PTPRD: variants seen among roughly 807,000 people sequenced by gnomAD.
The protein encoded by PTPRD is receptor-type tyrosine-protein phosphatase delta.
In PTPRD, 34 loss-of-function variants were observed where a neutral mutation model predicts 214.5. That is an observed-to-expected ratio of 0.16 (90% CI 0.12 to 0.21). The LOEUF is 0.21. Ranked by LOEUF, PTPRD falls within the 10% of genes least tolerant of loss-of-function variation. PTPRD has a pLI of 1.00. For missense variants in PTPRD, 2,545 were observed against 2,398.7 expected (o/e 1.06, Z -1.27); for synonymous variants, 1,128 against 845.7 (o/e 1.33, Z -5.79).
chr9:9,392,180 G>A (rs922707726), intron 9 of PTPRD, among the ~76,000 whole-genome samples: 1 of 152,160 alleles, frequency 6.6e-6, no homozygotes, highest in Non-Finnish European at 1.5e-5. Context: ...CTCAGCGAGA[G>A]CAGTGTGCTA....
At chr9:9,781,420 G>A (rs952779848) in intron 5 of PTPRD, among the ~76,000 whole-genome samples, 2 of 152,136 alleles carry the variant, frequency 1.3e-5, no homozygotes, top group African/African-American at 4.8e-5. Flanking sequence ...TAAATGCTAT[G>A]TAATGGGAAA....
chr9:8,975,517 G>A (rs1036057848), intron 11 of PTPRD, among the ~76,000 whole-genome samples: 2 of 151,916 alleles, frequency 1.3e-5, no homozygotes, highest in African/African-American at 4.8e-5. Flanking sequence ...TATTCAAAAT[G>A]TTTAGATATG....
At chr9:8,717,085 G>T (rs2098444897) in intron 12 of PTPRD, among the ~76,000 whole-genome samples, 1 of 152,100 alleles carries the variant, frequency 6.6e-6, no homozygotes, top group East Asian at 1.9e-4. Flanking sequence ...CTTGAGCCCA[G>T]AAGGCAGGGG....
At chr9:8,868,773 G>T (rs1456667425) in intron 11 of PTPRD, among the ~76,000 whole-genome samples, 1 of 152,086 alleles carries the variant, frequency 6.6e-6, no homozygotes, top group African/African-American at 2.4e-5. Context: ...TGCCTGTGGT[G>T]CTTTCAGCAT....
At chr9:9,462,250 G>C (rs2093725629) in intron 8 of PTPRD, among the ~76,000 whole-genome samples, 1 of 152,030 alleles carries the variant, frequency 6.6e-6, no homozygotes, top group South Asian at 2.1e-4. Context: ...GAGAGAAAAG[G>C]GAGTTTAGAA....
At chr9:9,952,138 C>T (rs1345153615) in intron 4 of PTPRD, among the ~76,000 whole-genome samples, 1 of 152,072 alleles carries the variant, frequency 6.6e-6, no homozygotes, top group Non-Finnish European at 1.5e-5. Context: ...AAGTTATGTG[C>T]CTAGGAGAGT....
intron 5 of PTPRD, among the ~76,000 whole-genome samples, chr9:9,823,690 G>A (rs1047244550): frequency 6.6e-6 from 1 of 152,050 alleles, no homozygotes; most frequent in African/African-American, 2.4e-5. Flanking sequence ...TGATGTCATG[G>A]AGGTAGAGAG....
intron 8 of PTPRD, among the ~76,000 whole-genome samples, chr9:9,469,852 A>G (rs1272797774): frequency 6.6e-6 from 1 of 152,190 alleles, no homozygotes; most frequent in African/African-American, 2.4e-5. Context: ...GTCATGGCAT[A>G]TGTCCAATGA....
At chr9:10,478,260 T>G (rs925792597) in intron 2 of PTPRD, among the ~76,000 whole-genome samples, 24 of 152,234 alleles carry the variant, frequency 1.6e-4, no homozygotes, top group African/African-American at 5.8e-4. Context: ...CACTTACAAG[T>G]AAGATGGCAA....
At chr9:9,637,554 G>C (rs1030421803) in intron 7 of PTPRD, among the ~76,000 whole-genome samples, 1 of 152,130 alleles carries the variant, frequency 6.6e-6, no homozygotes, top group Non-Finnish European at 1.5e-5. Context: ...GGTACACTGG[G>C]GTGGATGTGG....
chr9:9,880,303 C>G (rs909887607), intron 5 of PTPRD, among the ~76,000 whole-genome samples: 5 of 152,106 alleles, frequency 3.3e-5, no homozygotes, highest in Admixed American at 6.6e-5. Context: ...ATAAATCACC[C>G]AGTCTCAGGT....
chr9:9,363,457 C>G (rs2056904810), intron 9 of PTPRD, among the ~76,000 whole-genome samples: 1 of 151,302 alleles, frequency 6.6e-6, no homozygotes. Context: ...CTATATTTTG[C>G]TATGAGTTGT....
At chr9:10,296,247 C>T (rs1325657179) in intron 3 of PTPRD, among the ~76,000 whole-genome samples, 1 of 151,928 alleles carries the variant, frequency 6.6e-6, no homozygotes, top group African/African-American at 2.4e-5. Context: ...ATATTGAAAC[C>T]AACCCAATAG....
intron 9 of PTPRD, among the ~76,000 whole-genome samples, chr9:9,262,785 A>C (rs930562147): frequency 6.6e-6 from 1 of 151,672 alleles, no homozygotes; most frequent in Non-Finnish European, 1.5e-5. Context: ...TGAATACATA[A>C]AACAATTAAT....
chr9:10,027,042 C>T (rs2096936597), intron 4 of PTPRD, among the ~76,000 whole-genome samples: 1 of 151,996 alleles, frequency 6.6e-6, no homozygotes, highest in African/African-American at 2.4e-5. Context: ...AGAGACTTGG[C>T]CTTGGTAAAA....
At chr9:8,401,330 GT>G (rs747330673) in intron 36 of PTPRD, among the ~76,000 whole-genome samples, 1 of 151,834 alleles carries the variant, frequency 6.6e-6, no homozygotes, top group African/African-American at 2.4e-5. Context: ...ATACTAGCGA[GT>G]TTTTTGTAGA....
intron 7 of PTPRD, among the ~76,000 whole-genome samples, chr9:9,658,932 A>T (rs962310902): frequency 1.1e-4 from 17 of 152,062 alleles, no homozygotes; most frequent in Admixed American, 2.0e-4. Flanking sequence ...AGTTTGATTC[A>T]AGAGTTAGAA....
intron 35 of PTPRD, among the ~76,000 whole-genome samples, chr9:8,422,369 A>C (rs925166865): frequency 6.6e-6 from 1 of 152,090 alleles, no homozygotes; most frequent in African/African-American, 2.4e-5. Flanking sequence ...TTAACGTTTC[A>C]AGTTAACATG....
At chr9:8,373,730 G>C (rs1467031305) in intron 39 of PTPRD, among the ~76,000 whole-genome samples, 1 of 150,800 alleles carries the variant, frequency 6.6e-6, no homozygotes, top group Non-Finnish European at 1.5e-5. Context: ...AAACATTTTT[G>C]TATCTGTCAC....
Sources: gnomAD v4.1 joint callset for allele counts (sites outside exome capture counted in the v4.1 genomes callset) on GRCh38, gnomAD v4.1.1 for gene constraint, MANE v1.5 for transcripts, NCBI Gene and HGNC (gene_info 2026-07-23, HGNC 2026-07-21) for gene names.